RPS6KA5: variants seen among roughly 807,000 people sequenced by gnomAD.
RPS6KA5 encodes the protein ribosomal protein S6 kinase A5.
In RPS6KA5, 27 loss-of-function variants were observed where a neutral mutation model predicts 85.5. That is an observed-to-expected ratio of 0.32 (90% CI 0.23 to 0.44). The LOEUF (loss-of-function observed/expected upper bound fraction) is 0.44. Among genes scored for constraint, RPS6KA5 ranks in the 20% least tolerant of loss-of-function variants. The pLI is 1.00. For synonymous variants in RPS6KA5, 334 were observed against 348.2 expected, an observed-to-expected ratio of 0.96 and a Z score of 0.46; for missense variants, 811 against 980.9, an observed-to-expected ratio of 0.83 and a Z score of 2.31.
chr14:91,051,761 T>G (rs1395992827), intron 1 of RPS6KA5, among the ~76,000 whole-genome samples: 1 of 151,832 alleles, frequency 6.6e-6, no homozygotes, highest in Non-Finnish European at 1.5e-5. Flanking sequence ...AGTGCTGGGA[T>G]TACAGGCATG....
chr14:90,938,875 C>T (rs921751128), intron 5 of RPS6KA5, among the ~76,000 whole-genome samples: 1 of 152,186 alleles, frequency 6.6e-6, no homozygotes, highest in African/African-American at 2.4e-5. Context: ...CTGGCATGCC[C>T]TGAGCCATTT....
rs1315779388 is a variant in RPS6KA5 at position 90,860,851 on chromosome 14, A to T, written c.*11223T>A. On this transcript the variant is annotated 3_prime_UTR_variant, in exon 17 of 17. Coordinates refer to ENST00000614987, the MANE Select transcript of RPS6KA5 (RefSeq NM_004755.4). ...GCAGGATGGAAAGAAAAACACCAGA[A>T]AACATAAATATGTGAGCAAACAAAC... 1 of 152,120 alleles carries T rather than the reference A, an allele frequency of 6.6e-6. No homozygotes were observed. Among genetic ancestry groups the T allele is most frequent in the Non-Finnish European group, 1.5e-5 (1 of 68,050 alleles). The allele number at this position is 152,120 out of a possible 1,614,324, so 9.4% of individuals were successfully genotyped here. A position where few individuals can be genotyped will look rare whatever the true frequency, so the allele number is the denominator to read the frequency against.
chr14:90,926,864 C>A (rs2036703391), intron 5 of RPS6KA5, among the ~76,000 whole-genome samples: 1 of 151,746 alleles, frequency 6.6e-6, no homozygotes, highest in African/African-American at 2.4e-5. Context: ...ATAAATTGAA[C>A]TTGAAAGAAA....
rs1349576534 is a variant in RPS6KA5, at chr14:91,009,752, T to C, written c.104-8593A>G. On this transcript the variant is annotated intron_variant, in intron 1 of 16. Coordinates refer to ENST00000614987, the MANE Select transcript of RPS6KA5 (RefSeq NM_004755.4). ...ATGTAGGCAGCTCTAGACAAGGAAC[T>C]AAAGTTCTGCAGAGACATCATGCAC... Among the ~76,000 whole-genome samples, 8 of 152,066 alleles carry C rather than the reference T, an allele frequency of 5.3e-5. No individual in the cohort carries two copies. The South Asian group carries it at 8.3e-4, about 16-fold the overall frequency.
At chr14:90,964,868 T>TA (rs2038977835) in intron 3 of RPS6KA5, among the ~76,000 whole-genome samples, 2 of 133,738 alleles carry the variant, frequency 1.5e-5, no homozygotes, top group Non-Finnish European at 3.0e-5. Context: ...TGGGCCATGA[T>TA]AGTGCCACTG....
At chr14:90,943,351 T>C (rs2037689834) in intron 4 of RPS6KA5, among the ~76,000 whole-genome samples, 166 bp from the exon 5 acceptor site, 1 of 152,172 alleles carries the variant, frequency 6.6e-6, no homozygotes. Context: ...GAAATTCTTT[T>C]ATCTGCTGCG....
chr14:91,060,423 C>T lies in RPS6KA5; in HGVS notation c.12G>A (p.Glu4=). ...CCGCGGCGCCGCCGCTGCTGCCACCCTCCTCCTCCATCTTCTCCTTTTTTT... is the reference window on the plus strand; with the variant it reads ...CCGCGGCGCCGCCGCTGCTGCCACCTTCCTCCTCCATCTTCTCCTTTTTTT... The part of the protein sequence containing the change: MEE[E]GGSSGGAAGT... Residue 4 remains glutamate, a synonymous_variant, in exon 1 of 17, where the codon GAG becomes GAA. Coordinates refer to ENST00000614987, the MANE Select transcript of RPS6KA5 (RefSeq NM_004755.4). 2 of 1,496,654 alleles carry T rather than the reference C, an allele frequency of 1.3e-6. No individual in the cohort carries two copies. Among genetic ancestry groups the T allele is most frequent in the South Asian group, 1.3e-5 (1 of 76,432 alleles). 92.7% of individuals were successfully genotyped at this position (1,496,654 alleles called of 1,614,324 possible). A position where few individuals can be genotyped will look rare whatever the true frequency, so the allele number is the denominator to read the frequency against.
chr14:91,003,979 C>A (rs1051883025), intron 1 of RPS6KA5, among the ~76,000 whole-genome samples: 2 of 152,242 alleles, frequency 1.3e-5, no homozygotes, highest in Non-Finnish European at 2.9e-5. Context: ...TCCATGTGAT[C>A]CAGCCCAGCT....
intron 1 of RPS6KA5, among the ~76,000 whole-genome samples, chr14:91,058,422 G>C (rs910480828): frequency 6.6e-6 from 1 of 152,350 alleles, no homozygotes; most frequent in Non-Finnish European, 1.5e-5. Context: ...CAAGCAGTTG[G>C]TTAACTACTA....
chr14:90,985,242 C>T (rs926946565), intron 2 of RPS6KA5, among the ~76,000 whole-genome samples: 11 of 152,102 alleles, frequency 7.2e-5, no homozygotes, highest in South Asian at 2.1e-4. Flanking sequence ...TGCGCCCGGC[C>T]GCCTTTAATT....
In RPS6KA5 at chr14:90,873,080, T is replaced by C. The variant is rs938367499; in HGVS notation, c.2160+552A>G. 1.5e-4 allele frequency among the ~76,000 whole-genome samples: 21 copies of C among 143,634 alleles called. 1 individual carries two copies. Among genetic ancestry groups the C allele is most frequent in the Non-Finnish European group, 1.6e-5 (1 of 63,470 alleles). The allele number at this position is 143,634 out of a possible 152,430, so 94.2% of individuals were successfully genotyped here. A position where few individuals can be genotyped will look rare whatever the true frequency, so the allele number is the denominator to read the frequency against. On this transcript the variant is annotated intron_variant, in intron 16 of 16. Coordinates refer to ENST00000614987, the MANE Select transcript of RPS6KA5 (RefSeq NM_004755.4). The stretch of plus-strand genomic sequence containing the variant: ...TCAAAATAATCCCTTTGAAGGTGAC[T>C]TTCTGTTTCCCTAACTCATCTTATA...
chr14:90,947,726 G>A (rs75001306), intron 3 of RPS6KA5, among the ~76,000 whole-genome samples, 176 bp from the exon 4 acceptor site: 4,973 of 152,072 alleles, frequency 0.033, 276 homozygotes, highest in African/African-American at 0.11. Context: ...ATACAGTTTC[G>A]CAAAATAATG....
chr14:90,891,820 C>G (rs1187894468), intron 13 of RPS6KA5, among the ~76,000 whole-genome samples: 8 of 152,068 alleles, frequency 5.3e-5, no homozygotes, highest in Non-Finnish European at 1.0e-4. Context: ...TGGATGCGTG[C>G]TTGGGAGAAG....
intron 14 of RPS6KA5, among the ~76,000 whole-genome samples, chr14:90,889,634 A>C (rs2034441242): frequency 6.6e-6 from 1 of 152,164 alleles, no homozygotes. Context: ...TGAAAAAGTG[A>C]AAAAAAGCTA....
At chr14:91,036,168 T>G (rs2042403227) in intron 1 of RPS6KA5, among the ~76,000 whole-genome samples, 1 of 152,174 alleles carries the variant, frequency 6.6e-6, no homozygotes. Context: ...GATGGGCATG[T>G]GCATGGCCCA....
At chr14:90,981,698 A>G (rs11846057) in intron 2 of RPS6KA5, among the ~76,000 whole-genome samples, 2,732 of 152,302 alleles carry the variant, frequency 0.018, 64 homozygotes, top group African/African-American at 0.063. Context: ...GCTCACAAAT[A>G]TTTTGTTTTT....
intron 14 of RPS6KA5, among the ~76,000 whole-genome samples, chr14:90,887,353 AT>A (rs57904402): frequency 0.042 from 6,184 of 145,908 alleles, 370 homozygotes; most frequent in African/African-American, 0.13. Context: ...GCTAATTAAA[AT>A]TTTTTTTTTT....
At chr14:90,917,638 A>C (rs577790824) in intron 7 of RPS6KA5, among the ~76,000 whole-genome samples, 3 of 152,334 alleles carry the variant, frequency 2.0e-5, no homozygotes, top group Non-Finnish European at 4.4e-5. Context: ...CCAGAAATGG[A>C]ATCATATGGT....
chr14:90,896,483 A>G (rs912550411), intron 12 of RPS6KA5, among the ~76,000 whole-genome samples: 2 of 152,180 alleles, frequency 1.3e-5, no homozygotes, highest in African/African-American at 4.8e-5. Flanking sequence ...GAAGGATGGC[A>G]AAAGGGCCTT....
Sources: allele counts gnomAD v4.1 joint callset (sites outside exome capture counted in the v4.1 genomes callset), GRCh38; gene constraint gnomAD v4.1.1; transcripts MANE v1.5; gene names NCBI Gene and HGNC (gene_info 2026-07-23, HGNC 2026-07-21).